PLCL1: variants seen among roughly 807,000 people sequenced by gnomAD.
PLCL1 encodes phospholipase C like 1 (inactive).
A neutral mutation model predicts 84.4 loss-of-function variants in PLCL1; 41 were observed. That is an observed-to-expected ratio of 0.49 (90% confidence interval 0.38 to 0.63). PLCL1 has a LOEUF of 0.63. Ranked by LOEUF, PLCL1 falls within the 30% of genes least tolerant of loss-of-function variation. The probability of loss-of-function intolerance (pLI) is 0.00; values close to 1 mark genes in which losing one functional copy is unlikely to be tolerated. For synonymous variants in PLCL1, 490 were observed against 488.3 expected (o/e 1.00, Z -0.05); for missense variants, 1,206 against 1,367.8 (o/e 0.88, Z 1.87).
intron 1 of PLCL1, among the ~76,000 whole-genome samples, chr2:197,862,501 A>G (rs1687449568): frequency 6.6e-6 from 1 of 152,176 alleles, no homozygotes; most frequent in African/African-American, 2.4e-5. Context: ...GGTCATATAA[A>G]GGGAGGGTTA....
At chr2:198,115,756 T>C (rs1295258356) in intron 5 of PLCL1, among the ~76,000 whole-genome samples, 1 of 151,390 alleles carries the variant, frequency 6.6e-6, no homozygotes, top group Non-Finnish European at 1.5e-5. Flanking sequence ...AACCATCAGG[T>C]CTCGTGAGAC....
At chr2:197,959,033 T>C (rs755497550) in intron 1 of PLCL1, among the ~76,000 whole-genome samples, 60 of 152,214 alleles carry the variant, frequency 3.9e-4, no homozygotes, top group Non-Finnish European at 6.6e-4. Flanking sequence ...TAGTACAGTA[T>C]ACCGAAATAT....
chr2:197,914,864 C>T (rs780350458), intron 1 of PLCL1, among the ~76,000 whole-genome samples: 15 of 152,062 alleles, frequency 9.9e-5, no homozygotes, highest in African/African-American at 2.4e-4. Context: ...AATGGAAGGG[C>T]GCACCATTTA....
intron 1 of PLCL1, among the ~76,000 whole-genome samples, chr2:198,065,766 C>T (rs796107094): frequency 5.3e-5 from 8 of 152,152 alleles, no homozygotes; most frequent in Non-Finnish European, 1.0e-4. Flanking sequence ...CTCTGCCTCA[C>T]CTTGGATACA....
intron 1 of PLCL1, among the ~76,000 whole-genome samples, chr2:197,903,881 C>T (rs1688324375): frequency 6.7e-6 from 1 of 149,248 alleles, no homozygotes; most frequent in Non-Finnish European, 1.5e-5. Flanking sequence ...CGGCTCACTG[C>T]AATCTCCGCC....
intron 5 of PLCL1, among the ~76,000 whole-genome samples, chr2:198,106,755 C>T (rs967123914): frequency 6.6e-6 from 1 of 151,894 alleles, no homozygotes; most frequent in Non-Finnish European, 1.5e-5. Context: ...ACTTTATGTA[C>T]ATTTCCCCTT....
rs1208633918 is a variant in PLCL1, at chr2:198,079,128, T to TA, written c.241-4628dup. On this transcript the variant is annotated intron_variant, in intron 1 of 5. Transcript: ENST00000428675. Reference sequence around the variant, plus strand: ...TTTTGAAGAAAAATGATTTTTTTTTTAATTTTGATTAAGGAGCTTGCATTA... The same window carrying TA: ...TTTTGAAGAAAAATGATTTTTTTTTTAAATTTTGATTAAGGAGCTTGCATTA... Among the ~76,000 whole-genome samples, 14 of 151,500 alleles carry TA rather than the reference T, an allele frequency of 9.2e-5. No individual in the cohort carries two copies. In the South Asian group the frequency reaches 1.9e-3, roughly 20 times the overall value.
At chr2:198,039,624 C>G (rs1216835739) in intron 1 of PLCL1, among the ~76,000 whole-genome samples, 1 of 152,142 alleles carries the variant, frequency 6.6e-6, no homozygotes, top group East Asian at 1.9e-4. Flanking sequence ...TCTGATCATT[C>G]TTGTTATAGT....
At chr2:197,833,884 C>T (rs1212279182) in intron 1 of PLCL1, among the ~76,000 whole-genome samples, 1 of 152,136 alleles carries the variant, frequency 6.6e-6, no homozygotes, top group Non-Finnish European at 1.5e-5. Flanking sequence ...AAGAACAAAG[C>T]TGGAGGCATC....
chr2:198,088,363 G>C (rs564690194), intron 2 of PLCL1, among the ~76,000 whole-genome samples: 1 of 152,208 alleles, frequency 6.6e-6, no homozygotes, highest in African/African-American at 2.4e-5. Flanking sequence ...TGAATTTTTT[G>C]AAAAGACTGT....
intron 1 of PLCL1, among the ~76,000 whole-genome samples, chr2:197,893,751 A>G (rs1688077763): frequency 6.7e-6 from 1 of 149,432 alleles, no homozygotes; most frequent in East Asian, 1.9e-4. Flanking sequence ...TACTTACCAT[A>G]GTGTTTATTT....
intron 1 of PLCL1, among the ~76,000 whole-genome samples, chr2:197,999,910 T>A (rs528697510): frequency 7.9e-5 from 12 of 152,330 alleles, no homozygotes; most frequent in Admixed American, 5.2e-4. Flanking sequence ...ATAAAACACA[T>A]TCCGTAGGTA....
intron 1 of PLCL1, among the ~76,000 whole-genome samples, chr2:198,011,120 T>C (rs1690859053): frequency 6.6e-6 from 1 of 152,002 alleles, no homozygotes; most frequent in East Asian, 1.9e-4. Flanking sequence ...TTATCTCTAC[T>C]CTAATTTTTA....
At chr2:197,953,662 T>A (rs1363477650) in intron 1 of PLCL1, among the ~76,000 whole-genome samples, 1 of 152,084 alleles carries the variant, frequency 6.6e-6, no homozygotes, top group African/African-American at 2.4e-5. Flanking sequence ...ATGCTCTTAC[T>A]TATATATTAA....
chr2:198,115,406 C>A (rs1011221502), intron 5 of PLCL1, among the ~76,000 whole-genome samples: 24 of 151,762 alleles, frequency 1.6e-4, no homozygotes, highest in African/African-American at 5.8e-4. Flanking sequence ...TTCCATGAGT[C>A]TTAGCCAAGT....
In PLCL1 at chr2:198,085,834, A is replaced by C; in HGVS notation, c.2317A>C (p.Ser773Arg). 6.2e-7 allele frequency: 1 copy of C among 1,614,204 alleles called. No homozygotes were observed. The highest frequency in any genetic ancestry group is 8.5e-7 in the Non-Finnish European group (1 of 1,180,014). ...EQRTKTVQQNSDNPIFDETFE... is the reference protein window; with the variant it reads ...EQRTKTVQQNRDNPIFDETFE... ...AAGAACTAAAACTGTACAGCAAAAC[A>C]GTGATAATCCTATTTTTGATGAAAC... The change falls in exon 2 of 6, where the codon AGT (serine) becomes CGT (arginine). Residue 773 changes from serine to arginine, a missense_variant. Transcript: ENST00000428675. The surrounding 1 kb of genome is among the most constrained non-coding windows in gnomAD (Gnocchi z 5.3).
intron 5 of PLCL1, among the ~76,000 whole-genome samples, chr2:198,128,991 C>G (rs977471553): frequency 6.6e-6 from 1 of 152,176 alleles, no homozygotes; most frequent in Non-Finnish European, 1.5e-5. Flanking sequence ...AAAATTAAAA[C>G]AGAGATCTTA....
chr2:198,027,924 C>G (rs1691312662), intron 1 of PLCL1, among the ~76,000 whole-genome samples: 1 of 152,082 alleles, frequency 6.6e-6, no homozygotes, highest in African/African-American at 2.4e-5. Context: ...GCTTCAAACT[C>G]CTGAGCTCAA....
chr2:198,007,794 A>T (rs1690764986), intron 1 of PLCL1, among the ~76,000 whole-genome samples: 2 of 152,176 alleles, frequency 1.3e-5, no homozygotes, highest in African/African-American at 4.8e-5. Context: ...CAATTTATCT[A>T]TAATTTACAC....
Sources: gnomAD v4.1 joint callset for allele counts (sites outside exome capture counted in the v4.1 genomes callset) on GRCh38, gnomAD v4.1.1 for gene constraint, Gnocchi (gnomAD v3.1) non-coding constraint, MANE v1.5 for transcripts, NCBI Gene and HGNC (gene_info 2026-07-23, HGNC 2026-07-21) for gene names.